The following ADGRL2 variants were observed in gnomAD, a reference collection of about 807,000 sequenced individuals.
The protein encoded by ADGRL2 is adhesion G protein-coupled receptor L2, also known as calcium-independent alpha-latrotoxin receptor 2.
A neutral mutation model predicts 157.4 loss-of-function variants in ADGRL2; 44 were observed. The ratio of observed to expected loss-of-function variants is 0.28; its 90% CI spans 0.22 to 0.36. ADGRL2 has a LOEUF of 0.36. Ranked by LOEUF, ADGRL2 falls within the 10% of genes least tolerant of loss-of-function variation. ADGRL2 has a pLI of 1.00. For missense variants in ADGRL2, 1,510 were observed against 1,768.9 expected, an observed-to-expected ratio of 0.85 and a Z score of 2.63; for synonymous variants, 585 against 624.7, an observed-to-expected ratio of 0.94 and a Z score of 0.95.
intron 2 of ADGRL2, among the ~76,000 whole-genome samples, chr1:81,538,487 T>C (rs1381105887): frequency 6.6e-6 from 1 of 152,158 alleles, no homozygotes; most frequent in African/African-American, 2.4e-5. Flanking sequence ...TACTCTGAAA[T>C]TTACACATGT....
At chr1:81,894,719 A>G (rs953329225) in intron 2 of ADGRL2, among the ~76,000 whole-genome samples, 4 of 146,636 alleles carry the variant, frequency 2.7e-5, no homozygotes, top group Non-Finnish European at 3.1e-5. Flanking sequence ...AATTATTTCA[A>G]TATGTTTTTT....
intron 1 of ADGRL2, among the ~76,000 whole-genome samples, chr1:81,344,780 TATTA>T (rs1293669952): frequency 6.6e-6 from 1 of 151,534 alleles, no homozygotes; most frequent in Non-Finnish European, 1.5e-5. Context: ...ATTTAAAAAC[TATTA>T]ATTTTCCAAT....
chr1:81,402,985 T>G (rs907492832), intron 1 of ADGRL2, among the ~76,000 whole-genome samples: 3 of 152,242 alleles, frequency 2.0e-5, no homozygotes, highest in Non-Finnish European at 4.4e-5. Flanking sequence ...GCTTTCAGTA[T>G]AGTGGAGAAG....
At chr1:81,348,679 A>C (rs1166768803) in intron 1 of ADGRL2, among the ~76,000 whole-genome samples, 1 of 152,176 alleles carries the variant, frequency 6.6e-6, no homozygotes, top group Non-Finnish European at 1.5e-5. Context: ...TCTAACAATG[A>C]ATAGGTTTCA....
At chr1:81,932,235 A>T (rs926780999) in intron 3 of ADGRL2, among the ~76,000 whole-genome samples, 1 of 152,190 alleles carries the variant, frequency 6.6e-6, no homozygotes, top group Non-Finnish European at 1.5e-5. Context: ...TTAGCAAAAC[A>T]TTATACTTCT....
chr1:81,630,302 A>T (rs1430185863), intron 3 of ADGRL2, among the ~76,000 whole-genome samples: 2 of 152,108 alleles, frequency 1.3e-5, no homozygotes, highest in Non-Finnish European at 2.9e-5. Context: ...GCCAAGAGCA[A>T]TCCCCATCCA....
chr1:81,878,941 G>T (rs1002750413), intron 2 of ADGRL2, among the ~76,000 whole-genome samples: 7 of 152,152 alleles, frequency 4.6e-5, no homozygotes, highest in African/African-American at 1.7e-4. Context: ...TTTAAAACGT[G>T]TATACATTCT....
At chr1:81,678,325 T>C (rs2083038384) in intron 3 of ADGRL2, among the ~76,000 whole-genome samples, 1 of 152,196 alleles carries the variant, frequency 6.6e-6, no homozygotes, top group Admixed American at 6.5e-5. Flanking sequence ...AATTAATAAG[T>C]CCCAAATTTG....
intron 3 of ADGRL2, among the ~76,000 whole-genome samples, chr1:81,641,241 A>G (rs910881816): frequency 1.3e-5 from 2 of 152,244 alleles, no homozygotes; most frequent in African/African-American, 4.8e-5. Flanking sequence ...ACACCCCTGT[A>G]TATGAAATGG....
At chr1:81,530,671 T>A (rs558111957) in intron 2 of ADGRL2, among the ~76,000 whole-genome samples, 1 of 152,176 alleles carries the variant, frequency 6.6e-6, no homozygotes, top group East Asian at 1.9e-4. Context: ...ATACTCAGCT[T>A]CATCATGTTC....
intron 1 of ADGRL2, among the ~76,000 whole-genome samples, chr1:81,726,274 T>C (rs1167033380): frequency 1.3e-5 from 2 of 152,176 alleles, no homozygotes; most frequent in African/African-American, 2.4e-5. Flanking sequence ...AATTGGGTCA[T>C]ACATCCTTCC....
chr1:81,787,348 A>G (rs976025433), intron 2 of ADGRL2, among the ~76,000 whole-genome samples: 2 of 152,172 alleles, frequency 1.3e-5, no homozygotes, highest in Non-Finnish European at 2.9e-5. Context: ...TCATGTAGGG[A>G]AACTAACTGA....
At chr1:81,570,413 T>C (rs1335661430) in intron 2 of ADGRL2, among the ~76,000 whole-genome samples, 4 of 152,060 alleles carry the variant, frequency 2.6e-5, no homozygotes, top group Non-Finnish European at 5.9e-5. Flanking sequence ...TGACATGGAG[T>C]CTCACTCTGT....
chr1:81,397,313 C>CTTTTTTTT (rs59449077), intron 1 of ADGRL2, among the ~76,000 whole-genome samples: 26 of 53,642 alleles, frequency 4.8e-4, no homozygotes, highest in African/African-American at 1.9e-3. Context: ...ATAATGTCTC[C>CTTTTTTTT]TTTTTTTTTT....
intron 2 of ADGRL2, among the ~76,000 whole-genome samples, chr1:81,894,136 C>T (rs2094330695): frequency 1.3e-5 from 2 of 152,256 alleles, no homozygotes; most frequent in South Asian, 4.1e-4. Flanking sequence ...GTAGAGTTGT[C>T]TCCAACTTGT....
chr1:81,666,594 T>C (rs1217619121), intron 3 of ADGRL2, among the ~76,000 whole-genome samples: 1 of 152,180 alleles, frequency 6.6e-6, no homozygotes, highest in Non-Finnish European at 1.5e-5. Flanking sequence ...TTTCTCTCTC[T>C]AAGGGGGCCT....
intron 2 of ADGRL2, among the ~76,000 whole-genome samples, chr1:81,839,072 T>A (rs2092424349): frequency 6.6e-6 from 1 of 152,034 alleles, no homozygotes. Context: ...TCTGTGAACA[T>A]CTATAGAGAA....
At chr1:81,901,912 G>C (rs1457293268) in intron 2 of ADGRL2, among the ~76,000 whole-genome samples, 1 of 152,114 alleles carries the variant, frequency 6.6e-6, no homozygotes, top group Non-Finnish European at 1.5e-5. Flanking sequence ...TCCATCAGTT[G>C]TTTTGCCAAG....
chr1:81,373,341 G>A (rs2076192831), intron 1 of ADGRL2, among the ~76,000 whole-genome samples: 1 of 152,138 alleles, frequency 6.6e-6, no homozygotes, highest in Non-Finnish European at 1.5e-5. Flanking sequence ...CATACTTACA[G>A]CTGAAAACCT....
Sources: gnomAD v4.1 joint callset for allele counts (sites outside exome capture counted in the v4.1 genomes callset) on GRCh38, gnomAD v4.1.1 for gene constraint, MANE v1.5 for transcripts, NCBI Gene and HGNC (gene_info 2026-07-23, HGNC 2026-07-21) for gene names.